Variants in KDM2B observed in about 807,000 individuals in gnomAD.
The protein encoded by KDM2B is lysine-specific demethylase 2B.
Under a neutral mutation model 150.0 loss-of-function variants are expected in KDM2B, and 26 were observed. The observed-to-expected ratio is 0.17, with a 90% CI of 0.13 to 0.24. The LOEUF is 0.24. KDM2B is among the 10% of genes least tolerant of loss of function. KDM2B has a pLI of 1.00. For missense variants in KDM2B, 1,265 were observed against 1,816.9 expected (o/e 0.70, Z 5.52); for synonymous variants, 734 against 729.5 (o/e 1.01, Z -0.10).
intron 12 of KDM2B, among the ~76,000 whole-genome samples, chr12:121,493,573 T>C (rs1406242954): frequency 6.6e-6 from 1 of 152,168 alleles, no homozygotes; most frequent in African/African-American, 2.4e-5. Context: ...TGGTGGACTT[T>C]GAGGTGAGCA....
intron 4 of KDM2B, among the ~76,000 whole-genome samples, chr12:121,569,179 A>T (rs1238585693): frequency 6.6e-6 from 1 of 152,220 alleles, no homozygotes; most frequent in African/African-American, 2.4e-5. Context: ...GTCACCCAGC[A>T]ACCCTGGAGA....
At chr12:121,541,053 A>G (rs1239319177) in intron 6 of KDM2B, among the ~76,000 whole-genome samples, 1 of 151,938 alleles carries the variant, frequency 6.6e-6, no homozygotes, top group Non-Finnish European at 1.5e-5. Flanking sequence ...ACCAACATGG[A>G]GAAACCCTGT....
chr12:121,451,107 G>GC lies in KDM2B; in HGVS notation c.1959+2012dup, dbSNP rs551627264. Among the ~76,000 whole-genome samples, 244 of 150,810 alleles carry GC rather than the reference G, an allele frequency of 1.6e-3. No homozygotes were observed. The South Asian group carries it at 0.025, about 15-fold the overall frequency. Reference sequence around the variant, plus strand: ...TATACTGAGTGTGCCTGCGTCTCCTGCCCCCCCCTTCTACCTCCTCCATCT... The same window carrying GC: ...TATACTGAGTGTGCCTGCGTCTCCTGCCCCCCCCCTTCTACCTCCTCCATCT... On this transcript the variant is annotated intron_variant, in intron 13 of 22. Transcript: ENST00000377071.
At chr12:121,464,969 G>T (rs1366517535) in intron 12 of KDM2B, among the ~76,000 whole-genome samples, 1 of 152,152 alleles carries the variant, frequency 6.6e-6, no homozygotes, top group Admixed American at 6.5e-5. Context: ...GGCAAGGAGA[G>T]TGTCCCCCAA....
chr12:121,524,722 T>TGCTCCCAG, intron 8 of KDM2B: 1 of 453,822 alleles, frequency 2.2e-6, no homozygotes. Flanking sequence ...TGAGAGCCGG[T>TGCTCCCAG]GCTCCCAGGC....
chr12:121,575,805 C>T lies in KDM2B; in HGVS notation c.326G>A (p.Arg109Gln), dbSNP rs782213024. Reference sequence around the variant, plus strand: ...CTTAATTCCCAGTCCATCCTTTTCTCGAAATATCAGGGGAACCCTGAGAGC... The same window carrying T: ...CTTAATTCCCAGTCCATCCTTTTCTTGAAATATCAGGGGAACCCTGAGAGC... ...REALRVPLIF[R>Q]EKDGLGIKMP... The change falls in exon 3 of 23, where the codon CGA (arginine) becomes CAA (glutamine). Residue 109 changes from arginine (R) to glutamine (Q), a missense_variant. Arg to Gln is a conservative substitution (Grantham distance 43, BLOSUM62 1). This residue lies in a region of KDM2B where 214 missense variants were observed against 447.4 expected (regional missense o/e 0.48). Transcript: ENST00000377071. This position sits in a 1 kb window ranked among gnomAD's most constrained non-coding sequence, Gnocchi z 4.4. 6.2e-7 allele frequency: 1 copy of T among 1,612,972 alleles called. No homozygotes were observed. Among genetic ancestry groups the T allele is most frequent in the Non-Finnish European group, 8.5e-7 (1 of 1,178,970 alleles).
At chr12:121,449,271 G>C (rs996695730) in intron 13 of KDM2B, among the ~76,000 whole-genome samples, 3 of 152,130 alleles carry the variant, frequency 2.0e-5, no homozygotes, top group Non-Finnish European at 4.4e-5. Context: ...GGAGAGGGGA[G>C]GCTACGGAGG....
At chr12:121,439,752 A>G in intron 22 of KDM2B, 105 bp downstream of exon 22, 1 of 817,626 alleles carries the variant, frequency 1.2e-6, no homozygotes, top group Non-Finnish European at 2.0e-6. Flanking sequence ...GACACCTAGC[A>G]CTGTGACCAC....
At chr12:121,490,004 G>A (rs1421020623) in intron 12 of KDM2B, among the ~76,000 whole-genome samples, 4 of 152,180 alleles carry the variant, frequency 2.6e-5, no homozygotes, top group African/African-American at 9.7e-5. Context: ...ACTGCGGGCC[G>A]ACAGGACTGA....
the KDM2B span, among the ~76,000 whole-genome samples, chr12:121,422,488 T>G: frequency 6.6e-6 from 1 of 152,208 alleles, no homozygotes; most frequent in East Asian, 1.9e-4. Context: ...ATCCCATAGA[T>G]CCTTTCTCCC....
At chr12:121,565,721 G>A (rs1237901771) in intron 4 of KDM2B, among the ~76,000 whole-genome samples, 1 of 151,976 alleles carries the variant, frequency 6.6e-6, no homozygotes, top group Non-Finnish European at 1.5e-5. Context: ...GCCCCACCGG[G>A]TTCAAGCAAT....
At chr12:121,487,546 C>T (rs1469066894) in intron 12 of KDM2B, among the ~76,000 whole-genome samples, 5 of 152,214 alleles carry the variant, frequency 3.3e-5, no homozygotes, top group South Asian at 2.1e-4. Flanking sequence ...TGTTGAGCTG[C>T]GCTCTTCCTC....
chr12:121,551,097 T>C (rs1889453112), intron 4 of KDM2B, among the ~76,000 whole-genome samples: 1 of 152,144 alleles, frequency 6.6e-6, no homozygotes, highest in South Asian at 2.1e-4. Context: ...GCCCTTGAAC[T>C]AGACAGAACT....
At chr12:121,550,075 C>T (rs1189423055) in intron 4 of KDM2B, among the ~76,000 whole-genome samples, 79 of 152,084 alleles carry the variant, frequency 5.2e-4, no homozygotes, top group Non-Finnish European at 3.4e-4. Flanking sequence ...TTTGGGAGGC[C>T]GAGGAGGGCG....
rs1043467261 is a variant in KDM2B at position 121,479,324 on chromosome 12, A to G, written c.1734+15255T>C. 3.8e-3 allele frequency among the ~76,000 whole-genome samples: 552 copies of G among 144,974 alleles called. 3 individuals are homozygous for G. The highest frequency in any genetic ancestry group is 9.9e-3 in the African/African-American group (393 of 39,752). ...CTACTAAAAATACAAAAAATTAGCC[A>G]GGCATGGTGGCGGGTGCCTGTAGTC... On this transcript the variant is annotated intron_variant, in intron 12 of 22. Coordinates refer to ENST00000377071, the MANE Select transcript of KDM2B (RefSeq NM_032590.5).
At chr12:121,465,148 T>C (rs1026116510) in intron 12 of KDM2B, among the ~76,000 whole-genome samples, 24 of 152,140 alleles carry the variant, frequency 1.6e-4, no homozygotes, top group Admixed American at 9.2e-4. Context: ...ACTCCACAAG[T>C]GCCACAATCG....
chr12:121,450,135 G>A (rs1160221220), intron 13 of KDM2B, among the ~76,000 whole-genome samples: 1 of 151,982 alleles, frequency 6.6e-6, no homozygotes, highest in Non-Finnish European at 1.5e-5. Context: ...ACAATAGAGT[G>A]AAACCCTGCC....
chr12:121,566,579 C>A lies in KDM2B; in HGVS notation c.397+7968G>T, dbSNP rs191334656. Among the ~76,000 whole-genome samples, 273 of 152,006 alleles carry A rather than the reference C, an allele frequency of 1.8e-3. 1 individual carries two copies. Among genetic ancestry groups the A allele is most frequent in the African/African-American group, 6.1e-3 (251 of 41,432 alleles). On this transcript the variant is annotated intron_variant, in intron 4 of 22. Transcript: ENST00000377071. ...GAGGTTGCAGTGAGCCGAGATCGCG[C>A]CAATGCACTCCAGCCCGGGCGACAA...
chr12:121,467,408 G>A lies in KDM2B; in HGVS notation c.1735-14064C>T, dbSNP rs1880193696. ...GGGGCGGGGAGGGGCCGGCGGGGGA[G>A]GGCCGGGGCGCCATGCATATGCATG... On this transcript the variant is annotated intron_variant, in intron 12 of 22. Coordinates refer to ENST00000377071, the MANE Select transcript of KDM2B (RefSeq NM_032590.5). This position sits in a 1 kb window ranked among gnomAD's most constrained non-coding sequence, Gnocchi z 5.1. 2.5e-5 allele frequency: 23 copies of A among 933,926 alleles called. No individual in the cohort carries two copies. Among genetic ancestry groups the A allele is most frequent in the Non-Finnish European group, 2.8e-5 (22 of 785,686 alleles). 57.9% of individuals were successfully genotyped at this position (933,926 alleles called of 1,614,324 possible).
Sources: gnomAD v4.1 joint callset for allele counts (sites outside exome capture counted in the v4.1 genomes callset) on GRCh38, gnomAD v4.1.1 for gene constraint, gnomAD v4.1.1 regional missense constraint, Gnocchi (gnomAD v3.1) non-coding constraint, MANE v1.5 for transcripts, NCBI Gene and HGNC (gene_info 2026-07-23, HGNC 2026-07-21) for gene names.